Variants in TOPBP1 observed in about 807,000 individuals in gnomAD.
The protein encoded by TOPBP1 is DNA topoisomerase 2-binding protein 1.
Under a neutral mutation model 167.7 loss-of-function variants are expected in TOPBP1, and 28 were observed. The observed-to-expected ratio is 0.17, with a 90% CI of 0.12 to 0.23. The LOEUF is 0.23. Ranked by LOEUF, TOPBP1 falls within the 10% of genes least tolerant of loss-of-function variation. TOPBP1 has a pLI of 1.00. For missense variants in TOPBP1, 1,554 were observed against 1,809.6 expected (o/e 0.86, Z 2.56); for synonymous variants, 598 against 611.4 (o/e 0.98, Z 0.32).
chr3:133,643,395 T>G, intron 11 of TOPBP1, 23 bp from the exon 12 acceptor site: 1 of 1,541,578 alleles, frequency 6.5e-7, no homozygotes. Flanking sequence ...AAAGAAATAG[T>G]AAAGCCAACC....
chr3:133,606,038 A>G (rs1251405863), intron 27 of TOPBP1, among the ~76,000 whole-genome samples: 1 of 151,914 alleles, frequency 6.6e-6, no homozygotes, highest in Admixed American at 6.6e-5. Context: ...TTGCCAAAAA[A>G]AAAATTAGCT....
Position 133,638,100 on chromosome 3 carries a change from G to A in TOPBP1, c.2296C>T (p.Pro766Ser), listed in dbSNP as rs374923201. ...CTGTGAGTTTGCAGGCGTGTGCCAG[G>A]ATGCTCTGCAGTATCTGAATTTAGA... ...INLNSDTAEH[P>S]GTRLQTHRKT... Residue 766 changes from proline (P) to serine (S), a missense_variant, in exon 14 of 28, where the codon CCT becomes TCT. This residue lies in a region of TOPBP1 where 1,197 missense variants were observed against 1,351.5 expected (regional missense o/e 0.89). Coordinates refer to ENST00000260810, the MANE Select transcript of TOPBP1 (RefSeq NM_007027.4). 52 of 1,613,984 alleles carry A rather than the reference G, an allele frequency of 3.2e-5. 1 individual carries two copies. The African/African-American group carries it at 5.3e-4, about 17-fold the overall frequency.
At chr3:133,612,600 T>A in intron 23 of TOPBP1, 48 bp from the exon 24 acceptor site, 1 of 1,512,848 alleles carries the variant, frequency 6.6e-7, no homozygotes, top group Non-Finnish European at 8.9e-7. Context: ...CCAACTTCTT[T>A]CTAGGAAAAA....
chr3:133,643,398 A>G (rs1463584276), intron 11 of TOPBP1, 26 bp from the exon 12 acceptor site: 13 of 1,537,574 alleles, frequency 8.5e-6, no homozygotes, highest in Non-Finnish European at 1.1e-5. Flanking sequence ...GAAATAGTAA[A>G]GCCAACCTGA....
Position 133,637,998 on chromosome 3 carries a change from T to C in TOPBP1, c.2398A>G (p.Arg800Gly), listed in dbSNP as rs762245189. 5 of 1,614,026 alleles carry C rather than the reference T, an allele frequency of 3.1e-6. No homozygotes were observed. The Admixed American group carries it at 6.7e-5, about 22-fold the overall frequency. Residue 800 changes from arginine (R) to glycine (G), a missense_variant, in exon 14 of 28, where the codon AGA becomes GGA. Arg to Gly is a moderately radical substitution (Grantham distance 125, BLOSUM62 -2). Coordinates refer to ENST00000260810, the MANE Select transcript of TOPBP1 (RefSeq NM_007027.4). ...ACTGCTGGGGAGGCTGCGACCTGTCTGGCATGTTGTGAGACCACAGCACGG... is the reference window on the plus strand; with the variant it reads ...ACTGCTGGGGAGGCTGCGACCTGTCCGGCATGTTGTGAGACCACAGCACGG... ...AFRAVVSQHARQVAASPAVGQ... is the reference protein window; with the variant it reads ...AFRAVVSQHAGQVAASPAVGQ...
At chr3:133,659,339 C>T (rs955013674) in intron 2 of TOPBP1, among the ~76,000 whole-genome samples, 189 bp from the exon 3 acceptor site, 2 of 152,156 alleles carry the variant, frequency 1.3e-5, no homozygotes, top group Admixed American at 1.3e-4. Flanking sequence ...CTCTACACAG[C>T]AGCTAATAAT....
At chr3:133,620,046 GA>G (rs1183834762) in intron 20 of TOPBP1, 108 bp downstream of exon 20, 16 of 1,238,888 alleles carry the variant, frequency 1.3e-5, no homozygotes, top group Non-Finnish European at 1.4e-5. Context: ...GGGAAAAAAA[GA>G]AAAAAAAGCT....
chr3:133,629,781 G>A (rs952001081), intron 14 of TOPBP1, among the ~76,000 whole-genome samples: 2 of 152,034 alleles, frequency 1.3e-5, no homozygotes, highest in Non-Finnish European at 1.5e-5. Flanking sequence ...ATGTGTGTGT[G>A]TGTGTATATA....
In TOPBP1 at chr3:133,658,038, T is replaced by C. The variant is rs1271635494; in HGVS notation, c.220-97A>G. On this transcript the variant is annotated intron_variant, in intron 3 of 27. Coordinates refer to ENST00000260810, the MANE Select transcript of TOPBP1 (RefSeq NM_007027.4). The stretch of plus-strand genomic sequence containing the variant: ...AACATTCACCAATTCTTTACCAAAG[T>C]TGATGACCACTGTAGAGAAATCAGC... 5 of 986,734 alleles carry C rather than the reference T, an allele frequency of 5.1e-6. No homozygotes were observed. In the South Asian group the frequency reaches 7.3e-5, roughly 14 times the overall value. 61.1% of individuals were successfully genotyped at this position (986,734 alleles called of 1,614,324 possible). A position where few individuals can be genotyped will look rare whatever the true frequency, so the allele number is the denominator to read the frequency against.
rs773917390 is a variant in TOPBP1, at chr3:133,649,623, C to T, written c.1264G>A (p.Val422Met). 1 of 1,613,220 alleles carries T rather than the reference C, an allele frequency of 6.2e-7. No individual in the cohort carries two copies. The highest frequency in any genetic ancestry group is 8.5e-7 in the Non-Finnish European group (1 of 1,179,628). ...CACTCTAGCAACCACTTTGCTCCCA[C>T]TACATGAGGCCTACAAAAATAGCAC... is the stretch of plus-strand genomic sequence containing the variant. ...WNKSAHRPHV[V>M]GAKWLLECFS... The change falls in exon 10 of 28, where the codon GTG becomes ATG. Residue 422 changes from valine to methionine, a missense_variant. Coordinates refer to ENST00000260810, the MANE Select transcript of TOPBP1 (RefSeq NM_007027.4).
At position 133,620,146 on chromosome 3, in the gene TOPBP1, G is replaced by A. The variant is rs138529143; in HGVS notation, c.3371+9C>T. The stretch of plus-strand genomic sequence containing the variant: ...TCTAGTCTTTCTGCCATCAGTGACA[G>A]GTACACACCTCAGTGCCTCTAGGAC... On this transcript the variant is annotated intron_variant, in intron 20 of 27. Transcript: ENST00000260810. 6.0e-3 allele frequency: 9,538 copies of A among 1,599,036 alleles called. 29 individuals are homozygous for A. Among genetic ancestry groups the A allele is most frequent in the Non-Finnish European group, 7.7e-3 (8,977 of 1,172,674 alleles).
At chr3:133,616,707 T>C in intron 23 of TOPBP1, 107 bp downstream of exon 23, 1 of 620,982 alleles carries the variant, frequency 1.6e-6, no homozygotes, top group Non-Finnish European at 2.6e-6. Context: ...ACCCATGTTC[T>C]TTTCCTCTAC....
rs148543032 is a variant in TOPBP1 at position 133,639,543 on chromosome 3, C to T, written c.2233+416G>A. Among the ~76,000 whole-genome samples the T allele has an allele frequency of 2.6e-5, 4 of 152,238 alleles. No individual in the cohort carries two copies. The East Asian group carries it at 5.8e-4, about 22-fold the overall frequency. ...AGCAAACCAACATGACACATGTATACATATGTAACAAACCCGCATATTGTG... is the reference window on the plus strand; with the variant it reads ...AGCAAACCAACATGACACATGTATATATATGTAACAAACCCGCATATTGTG... On this transcript the variant is annotated intron_variant, in intron 13 of 27. Coordinates refer to ENST00000260810, the MANE Select transcript of TOPBP1 (RefSeq NM_007027.4).
Position 133,612,621 on chromosome 3 carries a change from A to G in TOPBP1, c.3872-69T>C, listed in dbSNP as rs928127478. Reference sequence around the variant, plus strand: ...TCTTTCTAGGAAAAATGTAATCTCAACTACGCATAGAAATTATTTATAAAT... The same window carrying G: ...TCTTTCTAGGAAAAATGTAATCTCAGCTACGCATAGAAATTATTTATAAAT... On this transcript the variant is annotated intron_variant, in intron 23 of 27. Coordinates refer to ENST00000260810, the MANE Select transcript of TOPBP1 (RefSeq NM_007027.4). The G allele has an allele frequency of 1.7e-5, 23 of 1,386,420 alleles. No individual in the cohort carries two copies. In the African/African-American group the frequency reaches 3.2e-4, roughly 19 times the overall value. The allele number at this position is 1,386,420 out of a possible 1,614,324, so 85.9% of individuals were successfully genotyped here. A position where few individuals can be genotyped will look rare whatever the true frequency, so the allele number is the denominator to read the frequency against.
intron 2 of TOPBP1, among the ~76,000 whole-genome samples, chr3:133,659,737 G>T (rs962815346): frequency 1.3e-5 from 2 of 150,220 alleles, no homozygotes; most frequent in Non-Finnish European, 3.0e-5. Flanking sequence ...TACCCTTCTA[G>T]TCTATTCTAT....
intron 3 of TOPBP1, among the ~76,000 whole-genome samples, chr3:133,658,303 C>T (rs1936553793): frequency 6.6e-6 from 1 of 151,912 alleles, no homozygotes; most frequent in African/African-American, 2.4e-5. Context: ...CCCGTCTCTA[C>T]TAAAAATACA....
chr3:133,634,098 AC>A (rs1198175020), intron 14 of TOPBP1, among the ~76,000 whole-genome samples: 1 of 152,244 alleles, frequency 6.6e-6, no homozygotes, highest in Non-Finnish European at 1.5e-5. Flanking sequence ...CATCTCTCAG[AC>A]CAAAAATTTG....
At chr3:133,623,032 A>C in intron 19 of TOPBP1, 59 bp downstream of exon 19, 2 of 1,056,400 alleles carry the variant, frequency 1.9e-6, no homozygotes. Flanking sequence ...CCATCTCCAC[A>C]AAAAATTGAG....
rs1417183213 is a variant in TOPBP1, at chr3:133,617,141, A to C, written c.3759+19T>G. ...AGCAGTATGCAAAAGCTGTATCACC[A>C]TATTAAGGATCAACAAACCTTTTCT... is the stretch of plus-strand genomic sequence containing the variant. On this transcript the variant is annotated intron_variant, in intron 22 of 27. Transcript: ENST00000260810. 1.1e-5 allele frequency: 18 copies of C among 1,593,564 alleles called. No individual in the cohort carries two copies. The highest frequency in any genetic ancestry group is 1.4e-5 in the Non-Finnish European group (17 of 1,172,838).
Sources: allele counts gnomAD v4.1 joint callset (sites outside exome capture counted in the v4.1 genomes callset), GRCh38; gene constraint gnomAD v4.1.1; regional missense constraint gnomAD v4.1.1; transcripts MANE v1.5; gene names NCBI Gene and HGNC (gene_info 2026-07-23, HGNC 2026-07-21).